PTPRQ: variants seen among roughly 807,000 people sequenced by gnomAD.
The protein encoded by PTPRQ is phosphatidylinositol phosphatase PTPRQ.
PTPRQ carries 199 observed loss-of-function variants against 246.0 expected under a neutral mutation model. That is an observed-to-expected ratio of 0.81 (90% CI 0.72 to 0.91). The LOEUF (loss-of-function observed/expected upper bound fraction) is 0.91. Ranked by LOEUF, PTPRQ falls within the 40% of genes least tolerant of loss-of-function variation. PTPRQ has a pLI of 0.00. For synonymous variants in PTPRQ, 869 were observed against 853.2 expected (o/e 1.02, Z -0.32); for missense variants, 2,624 against 2,528.4 (o/e 1.04, Z -0.81).
At chr12:80,622,847 T>A (rs1293074080) in intron 33 of PTPRQ, among the ~76,000 whole-genome samples, 5 of 151,930 alleles carry the variant, frequency 3.3e-5, no homozygotes, top group African/African-American at 7.2e-5. Context: ...AAACAACATA[T>A]ATAAATATAT....
At chr12:80,542,698 G>T (rs879703967) in intron 22 of PTPRQ, 32 bp from the exon 23 acceptor site, 1 of 1,518,478 alleles carries the variant, frequency 6.6e-7, no homozygotes, top group Non-Finnish European at 8.8e-7. Flanking sequence ...AAAGTTTTAT[G>T]AATGTAAGTT....
chr12:80,479,311 C>T (rs1419869939), intron 8 of PTPRQ, among the ~76,000 whole-genome samples: 13 of 150,422 alleles, frequency 8.6e-5, no homozygotes, highest in East Asian at 3.9e-4. Flanking sequence ...AAATACTTTA[C>T]AGACAAGCAA....
chr12:80,505,767 G>A (rs1361821708), intron 14 of PTPRQ, among the ~76,000 whole-genome samples: 1 of 151,832 alleles, frequency 6.6e-6, no homozygotes, highest in African/African-American at 2.4e-5. Context: ...ATAGTTCCAA[G>A]TATTTTAGTA....
intron 17 of PTPRQ, among the ~76,000 whole-genome samples, chr12:80,520,034 T>C (rs756599374): frequency 1.1e-4 from 16 of 152,032 alleles, no homozygotes; most frequent in South Asian, 2.1e-4. Flanking sequence ...TGGGTGGGGA[T>C]TGGGGGGGAT....
Position 80,506,647 on chromosome 12 carries a change from T to C in PTPRQ, c.2534T>C (p.Ile845Thr). ...GGTGAAGGAGTTCGGAGTGCTCCCATAAGTATACTGACGGAGGAAGATGGT... is the reference window on the plus strand; with the variant it reads ...GGTGAAGGAGTTCGGAGTGCTCCCACAAGTATACTGACGGAGGAAGATGGT... ...LKGEGVRSAPISILTEEDAPD... is the reference protein window; with the variant it reads ...LKGEGVRSAPTSILTEEDAPD... The change falls in exon 16 of 45, where the codon ATA becomes ACA. Residue 845 changes from isoleucine to threonine, a missense_variant. Ile to Thr is a moderately conservative substitution (Grantham distance 89, BLOSUM62 -1). Coordinates refer to ENST00000644991, the MANE Select transcript of PTPRQ (RefSeq NM_001145026.2). 1 of 1,543,450 alleles carries C rather than the reference T, an allele frequency of 6.5e-7. No individual in the cohort carries two copies. The highest frequency in any genetic ancestry group is 8.8e-7 in the Non-Finnish European group (1 of 1,141,408).
chr12:80,627,345 TATAATAATAATA>T (rs10646490), intron 33 of PTPRQ, among the ~76,000 whole-genome samples: 4,354 of 143,286 alleles, frequency 0.03, 112 homozygotes, highest in Non-Finnish European at 0.043. Context: ...ACTCAATTTT[TATAATAATAATA>T]ATAATAATAA....
chr12:80,571,315 T>A (rs1341449731), intron 25 of PTPRQ, among the ~76,000 whole-genome samples: 1 of 152,206 alleles, frequency 6.6e-6, no homozygotes, highest in Non-Finnish European at 1.5e-5. Context: ...AATTTTTATA[T>A]TTTTAGTAGA....
intron 17 of PTPRQ, chr12:80,525,799 A>G (rs763818662): frequency 1.3e-5 from 2 of 152,022 alleles, no homozygotes; most frequent in Non-Finnish European, 1.5e-5. Flanking sequence ...GGATACTATA[A>G]AAAACAATGG....
intron 43 of PTPRQ, among the ~76,000 whole-genome samples, chr12:80,676,476 A>G (rs1592786542): frequency 6.6e-6 from 1 of 152,010 alleles, no homozygotes; most frequent in African/African-American, 2.4e-5. Flanking sequence ...AACCCCGTCT[A>G]TACTAAAAAT....
At chr12:80,559,377 T>G (rs1896760404) in intron 25 of PTPRQ, among the ~76,000 whole-genome samples, 1 of 152,176 alleles carries the variant, frequency 6.6e-6, no homozygotes, top group Non-Finnish European at 1.5e-5. Context: ...TAGTAGGGTC[T>G]TTTACAAAGC....
chr12:80,613,886 T>C (rs1367853223), intron 29 of PTPRQ, 50 bp downstream of exon 29: 3 of 1,438,958 alleles, frequency 2.1e-6, no homozygotes, highest in East Asian at 2.7e-5. Flanking sequence ...TGTCAGTTTA[T>C]GAACTTGGCA....
chr12:80,487,956 A>G (rs1274375390), intron 9 of PTPRQ, among the ~76,000 whole-genome samples: 2 of 152,064 alleles, frequency 1.3e-5, no homozygotes, highest in Non-Finnish European at 2.9e-5. Context: ...CTGTGTTCTC[A>G]TCTGGAGGCT....
intron 35 of PTPRQ, among the ~76,000 whole-genome samples, chr12:80,645,435 A>T (rs1900038051): frequency 6.6e-6 from 1 of 152,006 alleles, no homozygotes; most frequent in Admixed American, 6.6e-5. Flanking sequence ...ATAAAGCCAG[A>T]ATATTCATAT....
intron 34 of PTPRQ, among the ~76,000 whole-genome samples, chr12:80,633,065 C>T (rs1273631293): frequency 6.6e-6 from 1 of 152,108 alleles, no homozygotes; most frequent in East Asian, 1.9e-4. Flanking sequence ...GACAAAGCCT[C>T]ACTTTCGGCC....
chr12:80,657,174 T>A (rs12311441), intron 38 of PTPRQ, among the ~76,000 whole-genome samples: 12,144 of 151,828 alleles, frequency 0.08, 625 homozygotes, highest in Middle Eastern at 0.21. Flanking sequence ...ATACTTTTTT[T>A]AAATAAAAGT....
intron 20 of PTPRQ, among the ~76,000 whole-genome samples, chr12:80,540,395 G>C (rs1348885314): frequency 6.6e-6 from 1 of 152,042 alleles, no homozygotes; most frequent in Non-Finnish European, 1.5e-5. Flanking sequence ...AACTCCAGAA[G>C]TTTCTCGTAT....
At chr12:80,629,163 C>G (rs974370624) in intron 33 of PTPRQ, among the ~76,000 whole-genome samples, 2 of 151,098 alleles carry the variant, frequency 1.3e-5, no homozygotes, top group African/African-American at 4.9e-5. Context: ...CACACACACA[C>G]ACACACACAC....
At chr12:80,475,010 A>G (rs1893766541) in intron 8 of PTPRQ, among the ~76,000 whole-genome samples, 1 of 152,130 alleles carries the variant, frequency 6.6e-6, no homozygotes, top group Non-Finnish European at 1.5e-5. Context: ...TTTAATTTTT[A>G]CTACTTGTTT....
At chr12:80,504,984 T>C (rs1163868662) in intron 14 of PTPRQ, among the ~76,000 whole-genome samples, 6 of 151,848 alleles carry the variant, frequency 4.0e-5, no homozygotes, top group Non-Finnish European at 7.4e-5. Flanking sequence ...TAGACTTCTA[T>C]GGTACATGCA....
Sources: allele counts gnomAD v4.1 joint callset (sites outside exome capture counted in the v4.1 genomes callset), GRCh38; gene constraint gnomAD v4.1.1; transcripts MANE v1.5; gene names NCBI Gene and HGNC (gene_info 2026-07-23, HGNC 2026-07-21).